RSRC1: variants seen among roughly 807,000 people sequenced by gnomAD.
RSRC1 encodes serine/Arginine-related protein 53.
A neutral mutation model predicts 49.1 loss-of-function variants in RSRC1; 39 were observed. That is an observed-to-expected ratio of 0.79 (90% confidence interval 0.61 to 1.04). The LOEUF is 1.04. RSRC1 is among the 50% of genes least tolerant of loss of function. RSRC1 has a pLI of 0.00. For synonymous variants in RSRC1, 143 were observed against 130.8 expected (o/e 1.09, Z -0.63); for missense variants, 388 against 402.4 (o/e 0.96, Z 0.31).
chr3:158,191,406 A>G (rs531748911), intron 3 of RSRC1, among the ~76,000 whole-genome samples: 1 of 152,084 alleles, frequency 6.6e-6, no homozygotes, highest in Admixed American at 6.6e-5. Flanking sequence ...GAAGTATTGT[A>G]GTTTTCTTTT....
At chr3:158,301,559 C>CTG (rs532052416) in intron 5 of RSRC1, among the ~76,000 whole-genome samples, 222 of 152,244 alleles carry the variant, frequency 1.5e-3, no homozygotes, top group Middle Eastern at 6.8e-3. Context: ...AGTGAGAACT[C>CTG]TGACTCCTAA....
At chr3:158,183,828 A>G (rs1719773538) in intron 3 of RSRC1, among the ~76,000 whole-genome samples, 2 of 151,970 alleles carry the variant, frequency 1.3e-5, no homozygotes, top group South Asian at 4.2e-4. Context: ...ATGGGGGAGG[A>G]TTGCTTGAGC....
intron 3 of RSRC1, among the ~76,000 whole-genome samples, chr3:158,191,128 T>A (rs1221139302): frequency 6.6e-6 from 1 of 151,906 alleles, no homozygotes; most frequent in African/African-American, 2.4e-5. Flanking sequence ...CCAGTTTTCC[T>A]TTATCACCAA....
At chr3:158,417,156 C>T (rs1008918016) in intron 6 of RSRC1, among the ~76,000 whole-genome samples, 5 of 151,924 alleles carry the variant, frequency 3.3e-5, no homozygotes, top group Non-Finnish European at 7.4e-5. Context: ...TTTTTCCTGC[C>T]GAGCAGATGT....
chr3:158,338,168 C>T (rs1292124391), intron 5 of RSRC1, among the ~76,000 whole-genome samples: 1 of 150,370 alleles, frequency 6.7e-6, no homozygotes, highest in Non-Finnish European at 1.5e-5. Context: ...AAAATGGCAT[C>T]TTTCTCTGGT....
intron 6 of RSRC1, among the ~76,000 whole-genome samples, chr3:158,361,040 G>A (rs1481888264): frequency 6.6e-6 from 1 of 152,208 alleles, no homozygotes; most frequent in African/African-American, 2.4e-5. Context: ...GCTCTCAGGG[G>A]TGGCCCGGAG....
chr3:158,325,182 T>G (rs1729051163), intron 5 of RSRC1, among the ~76,000 whole-genome samples: 1 of 152,238 alleles, frequency 6.6e-6, no homozygotes, highest in South Asian at 2.1e-4. Flanking sequence ...GTAGGTTGCC[T>G]GTTCACTTCG....
At chr3:158,389,359 T>A (rs1284374393) in intron 6 of RSRC1, among the ~76,000 whole-genome samples, 1 of 152,236 alleles carries the variant, frequency 6.6e-6, no homozygotes, top group Non-Finnish European at 1.5e-5. Context: ...GAAAAAATTT[T>A]GAGCATAGTA....
intron 5 of RSRC1, among the ~76,000 whole-genome samples, chr3:158,335,889 G>A (rs1196392867): frequency 6.6e-6 from 1 of 152,118 alleles, no homozygotes; most frequent in Non-Finnish European, 1.5e-5. Flanking sequence ...TGATACCTTT[G>A]GAAGGGTCTT....
At chr3:158,437,920 C>T (rs571560534) in intron 6 of RSRC1, among the ~76,000 whole-genome samples, 1 of 152,274 alleles carries the variant, frequency 6.6e-6, no homozygotes, top group Admixed American at 6.5e-5. Flanking sequence ...TAGAAAACTC[C>T]ATCATCTCAG....
At chr3:158,396,636 C>T (rs959051974) in intron 6 of RSRC1, among the ~76,000 whole-genome samples, 2 of 151,960 alleles carry the variant, frequency 1.3e-5, no homozygotes, top group Non-Finnish European at 2.9e-5. Context: ...GCAAGACATA[C>T]AAGAATTCTC....
intron 6 of RSRC1, among the ~76,000 whole-genome samples, chr3:158,398,736 G>A (rs1008844641): frequency 7.2e-5 from 11 of 151,988 alleles, no homozygotes; most frequent in African/African-American, 1.7e-4. Flanking sequence ...TTGTTACTAC[G>A]ACCTAATTAT....
At chr3:158,203,049 T>C (rs779073951) in intron 3 of RSRC1, 23 bp from the exon 4 acceptor site, 1 of 1,577,318 alleles carries the variant, frequency 6.3e-7, no homozygotes, top group South Asian at 1.1e-5. Context: ...CTAAGTTTAT[T>C]TAACAAAATC....
intron 3 of RSRC1, among the ~76,000 whole-genome samples, chr3:158,195,270 G>T (rs1720518643): frequency 6.6e-6 from 1 of 151,772 alleles, no homozygotes; most frequent in Admixed American, 6.6e-5. Context: ...ATTTTTTCAT[G>T]TGTCTGTTGG....
intron 3 of RSRC1, among the ~76,000 whole-genome samples, chr3:158,191,964 T>C (rs1720267440): frequency 6.6e-6 from 1 of 152,120 alleles, no homozygotes; most frequent in Admixed American, 6.6e-5. Context: ...AACTAAGAAG[T>C]TAGCAGCTTA....
chr3:158,273,904 T>C (rs1036586602), intron 4 of RSRC1, among the ~76,000 whole-genome samples: 3 of 152,284 alleles, frequency 2.0e-5, no homozygotes, highest in African/African-American at 7.2e-5. Context: ...GCTTGAGTCA[T>C]GTTTGCTAAC....
intron 5 of RSRC1, among the ~76,000 whole-genome samples, chr3:158,343,643 C>T (rs977650358): frequency 6.6e-6 from 1 of 151,992 alleles, no homozygotes; most frequent in African/African-American, 2.4e-5. Context: ...AAAAAACACA[C>T]AAAATTCTAG....
chr3:158,188,908 A>T (rs1353923608), intron 3 of RSRC1, among the ~76,000 whole-genome samples: 1 of 150,914 alleles, frequency 6.6e-6, no homozygotes, highest in African/African-American at 2.4e-5. Flanking sequence ...GGATGCTTAG[A>T]TCATTTATTT....
At chr3:158,164,694 T>C (rs2108229578) in intron 3 of RSRC1, among the ~76,000 whole-genome samples, 1 of 152,294 alleles carries the variant, frequency 6.6e-6, no homozygotes, top group Non-Finnish European at 1.5e-5. Flanking sequence ...ACAATTTACA[T>C]TGAGAAATTG....
Sources: gnomAD v4.1 joint callset for allele counts (sites outside exome capture counted in the v4.1 genomes callset) on GRCh38, gnomAD v4.1.1 for gene constraint, MANE v1.5 for transcripts, NCBI Gene and HGNC (gene_info 2026-07-23, HGNC 2026-07-21) for gene names.